DPP10: variants seen among roughly 807,000 people sequenced by gnomAD.
DPP10 encodes inactive dipeptidyl peptidase 10.
Under a neutral mutation model 120.9 loss-of-function variants are expected in DPP10, and 33 were observed. That is an observed-to-expected ratio of 0.27 (90% CI 0.21 to 0.37). DPP10 has a LOEUF of 0.37. DPP10 is among the 10% of genes least tolerant of loss of function. The pLI is 1.00. For synonymous variants in DPP10, 337 were observed against 326.1 expected (o/e 1.03, Z -0.36); for missense variants, 816 against 942.8 (o/e 0.87, Z 1.76).
At chr2:115,524,398 A>G (rs143691659) in intron 4 of DPP10, among the ~76,000 whole-genome samples, 1 of 152,268 alleles carries the variant, frequency 6.6e-6, no homozygotes, top group East Asian at 1.9e-4. Context: ...ATGAACAGCT[A>G]GATGAAGAGA....
At chr2:114,929,800 A>G (rs1695932923) in intron 1 of DPP10, among the ~76,000 whole-genome samples, 1 of 152,250 alleles carries the variant, frequency 6.6e-6, no homozygotes, top group South Asian at 2.1e-4. Context: ...GCCATAGGAA[A>G]TTATAAGAGT....
At chr2:115,042,546 G>C (rs145786014) in intron 1 of DPP10, among the ~76,000 whole-genome samples, 1 of 152,192 alleles carries the variant, frequency 6.6e-6, no homozygotes, top group African/African-American at 2.4e-5. Context: ...GATTACAGGC[G>C]TGAGCCACCA....
chr2:114,907,218 G>A (rs1694040624), intron 1 of DPP10, among the ~76,000 whole-genome samples: 1 of 151,824 alleles, frequency 6.6e-6, no homozygotes, highest in South Asian at 2.1e-4. Context: ...GGTCGGTGTA[G>A]ATAGTGTTTT....
rs114466041 is a variant in DPP10, at chr2:114,587,406, A to C, written c.60+144568A>C. On this transcript the variant is annotated intron_variant, in intron 1 of 25. Coordinates refer to ENST00000410059, the MANE Select transcript of DPP10 (RefSeq NM_020868.6). ...CAACACAAAATGGACTAAGGTAGCC[A>C]TGTAGGTCTTTGATCATTTTTAAAC... is the stretch of plus-strand genomic sequence containing the variant. Among the ~76,000 whole-genome samples the C allele has an allele frequency of 2.7e-3, 409 of 151,960 alleles. 1 individual carries two copies. The highest frequency in any genetic ancestry group is 9.2e-3 in the African/African-American group (380 of 41,474).
intron 1 of DPP10, among the ~76,000 whole-genome samples, chr2:114,696,693 G>T (rs1700085529): frequency 6.6e-6 from 1 of 151,712 alleles, no homozygotes; most frequent in Non-Finnish European, 1.5e-5. Context: ...AGTTACTAAA[G>T]AAATAATGGT....
intron 1 of DPP10, among the ~76,000 whole-genome samples, chr2:114,685,089 C>G (rs981925881): frequency 1.3e-5 from 2 of 151,958 alleles, no homozygotes; most frequent in African/African-American, 4.8e-5. Flanking sequence ...TCCCCTCTTT[C>G]CAGATATCCT....
At chr2:115,836,640 C>T (rs758551025) in intron 23 of DPP10, 34 bp from the exon 24 acceptor site, 4 of 1,610,100 alleles carry the variant, frequency 2.5e-6, no homozygotes, top group Admixed American at 1.7e-5. Context: ...TTATTTAGAT[C>T]TATAGATACA....
At chr2:115,797,138 T>C (rs559035720) in intron 19 of DPP10, among the ~76,000 whole-genome samples, 19 of 152,238 alleles carry the variant, frequency 1.2e-4, no homozygotes, top group Admixed American at 2.0e-4. Flanking sequence ...ACTATGTTAA[T>C]GCTTTGGTGT....
intron 4 of DPP10, among the ~76,000 whole-genome samples, chr2:115,517,088 C>T (rs1439446322): frequency 3.3e-5 from 5 of 152,024 alleles, no homozygotes; most frequent in African/African-American, 1.2e-4. Context: ...TTCACATGCC[C>T]TGTAATCTAA....
intron 1 of DPP10, among the ~76,000 whole-genome samples, chr2:115,120,821 C>G (rs1417706136): frequency 6.6e-6 from 1 of 152,158 alleles, no homozygotes; most frequent in East Asian, 1.9e-4. Context: ...ATGTACCATG[C>G]AAGATCACTT....
chr2:115,085,468 C>G (rs1486000773), intron 1 of DPP10, among the ~76,000 whole-genome samples: 6 of 152,106 alleles, frequency 3.9e-5, no homozygotes, highest in Admixed American at 3.9e-4. Context: ...CCCAGTTGTT[C>G]CCAAATTTCA....
chr2:114,601,962 A>G (rs1163427365), intron 1 of DPP10, among the ~76,000 whole-genome samples: 1 of 152,002 alleles, frequency 6.6e-6, no homozygotes, highest in East Asian at 1.9e-4. Context: ...AACCAGCTTT[A>G]AAAGTAGATG....
chr2:115,277,637 C>T (rs1035313414), intron 1 of DPP10, among the ~76,000 whole-genome samples: 7 of 151,828 alleles, frequency 4.6e-5, no homozygotes, highest in African/African-American at 1.7e-4. Context: ...TCTAGTTATA[C>T]ATCTATACTT....
At chr2:115,294,809 G>A (rs1023376786) in intron 1 of DPP10, among the ~76,000 whole-genome samples, 2 of 151,974 alleles carry the variant, frequency 1.3e-5, no homozygotes, top group African/African-American at 4.8e-5. Flanking sequence ...TGTTTCTCAT[G>A]CAGCCAAAGT....
chr2:115,278,275 AG>A (rs938630613), intron 1 of DPP10, among the ~76,000 whole-genome samples: 5 of 152,184 alleles, frequency 3.3e-5, no homozygotes, highest in African/African-American at 1.2e-4. Context: ...ACAAACTTAC[AG>A]TCTACTCACT....
chr2:114,766,499 T>C (rs1680714064), intron 1 of DPP10, among the ~76,000 whole-genome samples: 1 of 152,128 alleles, frequency 6.6e-6, no homozygotes, highest in African/African-American at 2.4e-5. Context: ...CTAACATTTA[T>C]AGCATTTTTT....
intron 5 of DPP10, among the ~76,000 whole-genome samples, chr2:115,587,081 TTC>T: frequency 7.6e-6 from 1 of 132,004 alleles, no homozygotes; most frequent in Admixed American, 8.4e-5. Flanking sequence ...TTTCTTTTTT[TTC>T]TCTTTCTTTT....
intron 3 of DPP10, among the ~76,000 whole-genome samples, chr2:115,415,446 C>G (rs2104619272): frequency 6.6e-6 from 1 of 152,184 alleles, no homozygotes; most frequent in African/African-American, 2.4e-5. Flanking sequence ...GAGATAGCCT[C>G]TGAAGTCCAT....
intron 1 of DPP10, among the ~76,000 whole-genome samples, chr2:114,688,239 A>G (rs931523849): frequency 5.9e-5 from 9 of 152,048 alleles, no homozygotes; most frequent in African/African-American, 1.9e-4. Context: ...AAAGTCACAG[A>G]GATACAATAT....
Sources: allele counts gnomAD v4.1 joint callset (sites outside exome capture counted in the v4.1 genomes callset), GRCh38; gene constraint gnomAD v4.1.1; transcripts MANE v1.5; gene names NCBI Gene and HGNC (gene_info 2026-07-23, HGNC 2026-07-21).